Variants in GALNT1 observed in about 807,000 individuals in gnomAD.
The protein encoded by GALNT1 is GalNAc transferase 1.
GALNT1 carries 17 observed loss-of-function variants against 65.7 expected under a neutral mutation model. That is an observed-to-expected ratio of 0.26 (90% CI 0.18 to 0.39). The LOEUF (loss-of-function observed/expected upper bound fraction) is 0.39, where lower values mean the gene tolerates loss of function less well. GALNT1 is among the 10% of genes least tolerant of loss of function. The pLI, the probability that GALNT1 is intolerant of heterozygous loss-of-function variation, is 1.00. For missense variants in GALNT1, 460 were observed against 672.8 expected, an observed-to-expected ratio of 0.68 and a Z score of 3.50; for synonymous variants, 210 against 219.7, an observed-to-expected ratio of 0.96 and a Z score of 0.39.
At chr18:35,604,761 AT>A (rs1346232371) in intron 1 of GALNT1, among the ~76,000 whole-genome samples, 1 of 151,828 alleles carries the variant, frequency 6.6e-6, no homozygotes, top group Non-Finnish European at 1.5e-5. Context: ...TTTTAATAGG[AT>A]TGTTTGTTTT....
At chr18:35,592,874 A>G (rs2046461301) in intron 1 of GALNT1, among the ~76,000 whole-genome samples, 1 of 152,168 alleles carries the variant, frequency 6.6e-6, no homozygotes, top group Non-Finnish European at 1.5e-5. Context: ...CTCTCTGTTT[A>G]TCCTTGCCCC....
chr18:35,706,522 A>T (rs769030798), intron 11 of GALNT1, among the ~76,000 whole-genome samples: 19 of 151,982 alleles, frequency 1.3e-4, no homozygotes, highest in Admixed American at 2.6e-4. Flanking sequence ...ATTAAATTTT[A>T]AAAAAAAGAG....
At chr18:35,598,531 G>A (rs751236660) in intron 1 of GALNT1, among the ~76,000 whole-genome samples, 1 of 152,176 alleles carries the variant, frequency 6.6e-6, no homozygotes, top group Non-Finnish European at 1.5e-5. Context: ...ATGACCTGCA[G>A]TTCCATCCAT....
At chr18:35,585,795 A>T (rs1002152289) in intron 1 of GALNT1, among the ~76,000 whole-genome samples, 1 of 152,214 alleles carries the variant, frequency 6.6e-6, no homozygotes, top group African/African-American at 2.4e-5. Context: ...TGCATGTATC[A>T]GTAATTACTC....
chr18:35,618,835 A>G (rs1326589560), intron 1 of GALNT1, among the ~76,000 whole-genome samples: 3 of 152,184 alleles, frequency 2.0e-5, no homozygotes, highest in Admixed American at 2.0e-4. Flanking sequence ...GTCATCCCCT[A>G]GAATGGATCT....
In GALNT1 at chr18:35,687,155, A is replaced by G. The variant is rs1178955604; in HGVS notation, c.829A>G (p.Arg277Gly). The G allele has an allele frequency of 1.2e-6, 2 of 1,613,730 alleles. No homozygotes were observed. Among genetic ancestry groups the G allele is most frequent in the African/African-American group, 1.3e-5 (1 of 74,922 alleles). ...WYPVPQREMD[R>G]RKGDRTLPVR... ...TCCTGTTCCCCAAAGAGAAATGGAC[A>G]GAAGGAAAGGTGATCGGACTCTTCC... The change falls in exon 6 of 12, where the codon AGA becomes GGA. Residue 277 changes from arginine (R) to glycine (G), a missense_variant. Arg to Gly is a moderately radical substitution (Grantham distance 125). Transcript: ENST00000269195.
intron 1 of GALNT1, among the ~76,000 whole-genome samples, chr18:35,601,139 TC>T (rs955448976): frequency 1.3e-5 from 2 of 152,074 alleles, no homozygotes; most frequent in Non-Finnish European, 2.9e-5. Context: ...ATTGGTCTGT[TC>T]AGGTTTTCTA....
intron 2 of GALNT1, among the ~76,000 whole-genome samples, chr18:35,655,828 A>G (rs556964371): frequency 4.6e-5 from 7 of 152,276 alleles, no homozygotes; most frequent in Non-Finnish European, 1.0e-4. Flanking sequence ...AACTGGTTCT[A>G]TTTATATCTT....
intron 9 of GALNT1, among the ~76,000 whole-genome samples, chr18:35,698,549 A>T (rs570931962): frequency 6.6e-6 from 1 of 152,380 alleles, no homozygotes; most frequent in East Asian, 1.9e-4. Context: ...CTTCAGTCAC[A>T]ATAGCCACAT....
intron 1 of GALNT1, among the ~76,000 whole-genome samples, chr18:35,636,077 G>A (rs1435687803): frequency 6.6e-6 from 1 of 152,094 alleles, no homozygotes; most frequent in South Asian, 2.1e-4. Context: ...ATTGCTAGTT[G>A]AAACCTGCTT....
intron 1 of GALNT1, among the ~76,000 whole-genome samples, chr18:35,613,128 T>C (rs915105994): frequency 6.6e-6 from 1 of 152,220 alleles, no homozygotes; most frequent in South Asian, 2.1e-4. Flanking sequence ...AGTTTACTTA[T>C]GTTTATTATT....
At chr18:35,668,179 A>AAGAGTGG (rs2047576203) in intron 3 of GALNT1, among the ~76,000 whole-genome samples, 1 of 152,230 alleles carries the variant, frequency 6.6e-6, no homozygotes, top group Admixed American at 6.5e-5. Context: ...AAGTAGAAGG[A>AAGAGTGG]AGAGTGGAAA....
At chr18:35,666,766 T>C (rs2047554690) in intron 3 of GALNT1, among the ~76,000 whole-genome samples, 1 of 152,190 alleles carries the variant, frequency 6.6e-6, no homozygotes, top group Non-Finnish European at 1.5e-5. Context: ...AGTTTCACAC[T>C]TGAAGACTCT....
At chr18:35,641,536 C>T (rs2047164214) in intron 1 of GALNT1, among the ~76,000 whole-genome samples, 1 of 152,148 alleles carries the variant, frequency 6.6e-6, no homozygotes, top group African/African-American at 2.4e-5. Flanking sequence ...CAAAACAACA[C>T]ATCTAGTAGA....
intron 1 of GALNT1, among the ~76,000 whole-genome samples, chr18:35,606,143 T>C (rs1354772250): frequency 6.6e-6 from 1 of 152,194 alleles, no homozygotes; most frequent in Admixed American, 6.5e-5. Flanking sequence ...AGTTACTGTC[T>C]TGATTGTTGC....
intron 1 of GALNT1, among the ~76,000 whole-genome samples, chr18:35,624,035 T>C (rs572297759): frequency 1.2e-4 from 18 of 152,340 alleles, no homozygotes; most frequent in African/African-American, 4.1e-4. Context: ...GATTCCTTGC[T>C]GGCTAGATTT....
intron 1 of GALNT1, among the ~76,000 whole-genome samples, chr18:35,609,916 C>T (rs2046695765): frequency 6.6e-6 from 1 of 152,078 alleles, no homozygotes; most frequent in Non-Finnish European, 1.5e-5. Context: ...TACATTTGAT[C>T]CTTTTAGATC....
At chr18:35,612,845 A>G (rs2046734808) in intron 1 of GALNT1, among the ~76,000 whole-genome samples, 1 of 151,210 alleles carries the variant, frequency 6.6e-6, no homozygotes, top group Non-Finnish European at 1.5e-5. Context: ...AGCCTGGGCA[A>G]CAAGAATGAA....
intron 1 of GALNT1, chr18:35,595,897 A>T (rs951218500): frequency 6.6e-6 from 1 of 152,320 alleles, no homozygotes; most frequent in Non-Finnish European, 1.5e-5. Flanking sequence ...TTATGAAGAG[A>T]TATGATAACT....
Sources: allele counts gnomAD v4.1 joint callset (sites outside exome capture counted in the v4.1 genomes callset), GRCh38; gene constraint gnomAD v4.1.1; transcripts MANE v1.5; gene names NCBI Gene and HGNC (gene_info 2026-07-23, HGNC 2026-07-21).